The following TNRC6B variants were observed in gnomAD, a reference collection of about 807,000 sequenced individuals.
TNRC6B encodes the protein trinucleotide repeat-containing gene 6B protein.
A neutral mutation model predicts 203.6 loss-of-function variants in TNRC6B; 52 were observed. The ratio of observed to expected loss-of-function variants is 0.26; its 90% CI spans 0.20 to 0.32. The LOEUF (loss-of-function observed/expected upper bound fraction) is 0.32, where lower values mean the gene tolerates loss of function less well. Ranked by LOEUF, TNRC6B falls within the 10% of genes least tolerant of loss-of-function variation. The pLI is 1.00. For synonymous variants in TNRC6B, 838 were observed against 845.7 expected, an observed-to-expected ratio of 0.99 and a Z score of 0.16; for missense variants, 1,923 against 2,286.2, an observed-to-expected ratio of 0.84 and a Z score of 3.24.
chr22:40,265,540 T>C lies in TNRC6B; in HGVS notation c.1310T>C (p.Val437Ala). ...AARGPSGTDT[V>A]SGQSNSGNNG... ...AGGGGGCCTTCTGGAACTGACACAG[T>C]CTCTGGACAAAGCAATTCTGGAAAC... The change falls in exon 5 of 23, where the codon GTC becomes GCC. Residue 437 changes from valine to alanine, a missense_variant. Val to Ala is a moderately conservative substitution (Grantham distance 64). Transcript: ENST00000454349. 1 of 1,613,654 alleles carries C rather than the reference T, an allele frequency of 6.2e-7. No individual in the cohort carries two copies. Among genetic ancestry groups the C allele is most frequent in the Non-Finnish European group, 8.5e-7 (1 of 1,179,828 alleles).
At chr22:40,059,410 A>G (rs2067828991) in intron 1 of TNRC6B, among the ~76,000 whole-genome samples, 2 of 152,222 alleles carry the variant, frequency 1.3e-5, no homozygotes, top group South Asian at 4.1e-4. Context: ...TCATTTACAA[A>G]GAAAGACAAA....
intron 22 of TNRC6B, among the ~76,000 whole-genome samples, chr22:40,322,272 A>G (rs2071344163): frequency 6.6e-6 from 1 of 152,208 alleles, no homozygotes; most frequent in Non-Finnish European, 1.5e-5. Flanking sequence ...TTTCTGTCAT[A>G]TCTCCTGCTG....
intron 1 of TNRC6B, among the ~76,000 whole-genome samples, chr22:40,082,416 T>C (rs1307045361): frequency 1.3e-5 from 2 of 152,100 alleles, no homozygotes; most frequent in African/African-American, 4.8e-5. Context: ...CTTAGCATAG[T>C]CAAGAAATGG....
rs955369459 is a variant in TNRC6B at position 40,126,580 on chromosome 22, A to ATTT, written c.45+745_45+747dup. Among the ~76,000 whole-genome samples the ATTT allele has an allele frequency of 9.8e-3, 866 of 88,736 alleles. 116 individuals are homozygous for ATTT. The highest frequency in any genetic ancestry group is 0.043 in the South Asian group (103 of 2,378). The allele number at this position is 88,736 out of a possible 152,430, so 58.2% of individuals were successfully genotyped here. A position where few individuals can be genotyped will look rare whatever the true frequency, so the allele number is the denominator to read the frequency against. On this transcript the variant is annotated intron_variant, in intron 3 of 23. Transcript: ENST00000301923. ...CTGTTGCTACAAAGGACGTTATTTA[A>ATTT]TTTTTTTTTTTTTTTTTTTTTTTTT...
chr22:40,132,380 G>T (rs6001791), intron 3 of TNRC6B, among the ~76,000 whole-genome samples: 1 of 150,120 alleles, frequency 6.7e-6, no homozygotes, highest in Non-Finnish European at 1.5e-5. Flanking sequence ...AAGACGAGAC[G>T]AGACGGGACG....
At chr22:40,305,106 G>T (rs191337955) in intron 15 of TNRC6B, among the ~76,000 whole-genome samples, 1 of 152,164 alleles carries the variant, frequency 6.6e-6, no homozygotes, top group East Asian at 1.9e-4. Context: ...GCCAAAAGTC[G>T]TGAACAGACC....
At chr22:40,057,728 C>T (rs898306145) in intron 1 of TNRC6B, among the ~76,000 whole-genome samples, 1 of 152,172 alleles carries the variant, frequency 6.6e-6, no homozygotes, top group Non-Finnish European at 1.5e-5. Flanking sequence ...GTCTTGGGTA[C>T]TTGCTGGGTA....
chr22:40,264,979 C>G lies in TNRC6B; in HGVS notation c.749C>G (p.Ser250Cys), dbSNP rs2070452497. 1 of 1,613,962 alleles carries G rather than the reference C, an allele frequency of 6.2e-7. No homozygotes were observed. The highest frequency in any genetic ancestry group is 2.2e-5 in the East Asian group (1 of 44,888). The change falls in exon 5 of 23, where the codon TCT becomes TGT. Residue 250 changes from serine (S) to cysteine (C), a missense_variant. Ser to Cys is a moderately radical substitution (Grantham distance 112). Around this residue, in one of 8 missense-constraint regions of TNRC6B, gnomAD observed 614 missense variants for 587.7 expected, o/e 1.04. Coordinates refer to ENST00000454349, the MANE Select transcript of TNRC6B (RefSeq NM_001162501.2). ...GGGAGCCAGTGCCAGTCTGCAAGTT[C>G]TGGGAACGAATGTAATCTTGGGGTC... ...GKGSQCQSAS[S>C]GNECNLGVWK...
At chr22:40,119,590 C>T (rs936212589) in intron 2 of TNRC6B, among the ~76,000 whole-genome samples, 10 of 152,168 alleles carry the variant, frequency 6.6e-5, no homozygotes, top group African/African-American at 2.4e-4. Flanking sequence ...TCTCTAAATA[C>T]ATACATAGAT....
rs1192933473 is a variant in TNRC6B at position 40,310,850 on chromosome 22, G to A, written c.4292G>A (p.Gly1431Glu). 1 of 1,612,742 alleles carries A rather than the reference G, an allele frequency of 6.2e-7. No individual in the cohort carries two copies. Among genetic ancestry groups the A allele is most frequent in the South Asian group, 1.1e-5 (1 of 90,784 alleles). ...GTGGCCCCTGGTAAAACCCGGGGAG[G>A]GTCACCGTACAACCAGTTTGATATC... The part of the protein sequence containing the change: ...AIVAPGKTRG[G>E]SPYNQFDIIP... The change falls in exon 17 of 23, where the codon GGG becomes GAG. Residue 1431 changes from glycine to glutamate, a missense_variant. Around this residue, in one of 8 missense-constraint regions of TNRC6B, gnomAD observed 242 missense variants for 399.5 expected, o/e 0.61. Coordinates refer to ENST00000454349, the MANE Select transcript of TNRC6B (RefSeq NM_001162501.2).
intron 3 of TNRC6B, among the ~76,000 whole-genome samples, chr22:40,260,450 G>C (rs1160001266): frequency 2.0e-5 from 3 of 152,176 alleles, no homozygotes; most frequent in Non-Finnish European, 2.9e-5. Context: ...CTTGTAAATG[G>C]AGAATTTCTG....
At chr22:40,311,015 TC>T (rs776243615) in intron 17 of TNRC6B, 22 bp downstream of exon 17, 10 of 1,592,368 alleles carry the variant, frequency 6.3e-6, no homozygotes, top group South Asian at 2.3e-5. Context: ...GAAATGCTTT[TC>T]CCAGGATAGC....
chr22:40,273,678 G>C, intron 7 of TNRC6B, 78 bp downstream of exon 7: 1 of 1,437,140 alleles, frequency 7.0e-7, no homozygotes, highest in Non-Finnish European at 9.2e-7. Context: ...GTTTGTTTTT[G>C]TTTTGAGACA....
chr22:40,219,758 G>T (rs565325413), intron 1 of TNRC6B, among the ~76,000 whole-genome samples: 17 of 152,030 alleles, frequency 1.1e-4, no homozygotes, highest in Non-Finnish European at 2.4e-4. Flanking sequence ...CACCTTATCC[G>T]AAGGACCCAT....
chr22:40,138,466 A>G lies in TNRC6B; in HGVS notation c.45+12604A>G, dbSNP rs185709292. Among the ~76,000 whole-genome samples the G allele has an allele frequency of 1.6e-4, 25 of 152,178 alleles. No individual in the cohort carries two copies. In the East Asian group the frequency reaches 3.3e-3, roughly 20 times the overall value. On this transcript the variant is annotated intron_variant, in intron 3 of 23. Coordinates refer to the TNRC6B transcript ENST00000301923. ...TTTTTAGTAGAGACGGGGTTTCGCT[A>G]TGTTGGCCAGACTGGTCTCGAATTC... is the stretch of plus-strand genomic sequence containing the variant.
At chr22:40,212,891 C>A (rs923725099) in intron 1 of TNRC6B, among the ~76,000 whole-genome samples, 3 of 152,092 alleles carry the variant, frequency 2.0e-5, no homozygotes, top group East Asian at 1.9e-4. Flanking sequence ...CTCAAGTGAT[C>A]TGCCTGCCTC....
At chr22:40,114,962 C>T (rs1372573745) in intron 1 of TNRC6B, among the ~76,000 whole-genome samples, 7 of 152,128 alleles carry the variant, frequency 4.6e-5, no homozygotes, top group South Asian at 2.1e-4. Flanking sequence ...ATTTTGAATA[C>T]GTGTGTACCT....
At chr22:40,221,779 C>G (rs2069713687) in intron 1 of TNRC6B, among the ~76,000 whole-genome samples, 1 of 137,978 alleles carries the variant, frequency 7.2e-6, no homozygotes. Context: ...TTTTTGACTC[C>G]TGTCTACTTT....
rs781212949 is a variant in TNRC6B, at chr22:40,265,148, C to T, written c.918C>T (p.Ser306=). 11 of 1,613,914 alleles carry T rather than the reference C, an allele frequency of 6.8e-6. No homozygotes were observed. In the African/African-American group the frequency reaches 1.2e-4, roughly 18 times the overall value. ...GCTTCAGCAACTTTAACCCAAATAG[C>T]AACCCATCTGCCTGGCCAGCACTGG... The part of the protein sequence containing the change: ...GSGFSNFNPN[S]NPSAWPALVQ... Residue 306 remains serine (S), a synonymous_variant, in exon 5 of 23, where the codon AGC becomes AGT. Coordinates refer to ENST00000454349, the MANE Select transcript of TNRC6B (RefSeq NM_001162501.2).
Sources: allele counts gnomAD v4.1 joint callset (sites outside exome capture counted in the v4.1 genomes callset), GRCh38; gene constraint gnomAD v4.1.1; regional missense constraint gnomAD v4.1.1; transcripts MANE v1.5; gene names NCBI Gene and HGNC (gene_info 2026-07-23, HGNC 2026-07-21).